The following XKR9 variants were observed in gnomAD, a reference collection of about 807,000 sequenced individuals.
The protein encoded by XKR9 is XK-related protein 9.
Under a neutral mutation model 32.0 loss-of-function variants are expected in XKR9, and 32 were observed. That is an observed-to-expected ratio of 1.00 (90% CI 0.76 to 1.34). XKR9 has a LOEUF of 1.34. Among genes scored for constraint, XKR9 ranks in the 40% most tolerant of loss-of-function variants. XKR9 has a pLI of 0.00. For synonymous variants in XKR9, 168 were observed against 143.4 expected (o/e 1.17, Z -1.22); for missense variants, 546 against 429.7 (o/e 1.27, Z -2.39).
the XKR9 span, among the ~76,000 whole-genome samples, chr8:70,854,994 T>C: frequency 6.6e-6 from 1 of 152,210 alleles, no homozygotes; most frequent in Non-Finnish European, 1.5e-5. Flanking sequence ...AGGATTGACT[T>C]GGCAATGCAG....
At chr8:70,813,396 A>T in the XKR9 span, among the ~76,000 whole-genome samples, 270 of 152,278 alleles carry the variant, frequency 1.8e-3, no homozygotes, top group Non-Finnish European at 3.0e-3. Flanking sequence ...GTCTTCATGA[A>T]TAAAACACCA....
At chr8:70,768,425 G>A (rs577439753) in intron 2 of XKR9, among the ~76,000 whole-genome samples, 1 of 152,280 alleles carries the variant, frequency 6.6e-6, no homozygotes, top group African/African-American at 2.4e-5. Flanking sequence ...TTCTGTAGAT[G>A]TCTATTAGGT....
chr8:71,005,665 CT>C, the XKR9 span, among the ~76,000 whole-genome samples: 3 of 152,300 alleles, frequency 2.0e-5, no homozygotes, highest in African/African-American at 7.2e-5. Context: ...CAAGTAGCTT[CT>C]AAGAGTATGA....
the XKR9 span, among the ~76,000 whole-genome samples, chr8:71,002,767 G>GGAAA: frequency 6.6e-6 from 1 of 152,220 alleles, no homozygotes; most frequent in African/African-American, 2.4e-5. Context: ...AAACACTGGA[G>GGAAA]GAAAGGCCAG....
At chr8:70,934,346 T>A in the XKR9 span, among the ~76,000 whole-genome samples, 3 of 152,220 alleles carry the variant, frequency 2.0e-5, no homozygotes, top group South Asian at 4.1e-4. Context: ...CTGATGTTCA[T>A]ATTTTTAATT....
intron 2 of XKR9, among the ~76,000 whole-genome samples, chr8:70,761,222 A>G (rs1360386176): frequency 6.6e-6 from 1 of 152,236 alleles, no homozygotes; most frequent in Non-Finnish European, 1.5e-5. Flanking sequence ...ATTTGGGTAT[A>G]TACCCAGTAA....
At chr8:70,767,595 C>T (rs1208628821) in intron 2 of XKR9, among the ~76,000 whole-genome samples, 1 of 143,880 alleles carries the variant, frequency 7.0e-6, no homozygotes, top group African/African-American at 2.5e-5. Flanking sequence ...CTCCTGGGTT[C>T]ACGTCATTCT....
the XKR9 span, among the ~76,000 whole-genome samples, chr8:70,965,896 G>T: frequency 6.6e-6 from 1 of 151,600 alleles, no homozygotes; most frequent in Non-Finnish European, 1.5e-5. Context: ...TAGCTTTGGG[G>T]TTCATTTGCT....
chr8:70,910,200 T>A, the XKR9 span, among the ~76,000 whole-genome samples: 1 of 152,058 alleles, frequency 6.6e-6, no homozygotes, highest in Non-Finnish European at 1.5e-5. Flanking sequence ...TCCCAACAAC[T>A]AAGTCAGAGA....
the XKR9 span, among the ~76,000 whole-genome samples, chr8:70,900,102 A>T: frequency 1.4e-5 from 2 of 147,796 alleles, no homozygotes; most frequent in African/African-American, 5.0e-5. Flanking sequence ...AACTCTGTGT[A>T]AAAAAAAAAA....
chr8:70,900,974 C>G, the XKR9 span, among the ~76,000 whole-genome samples: 1 of 152,116 alleles, frequency 6.6e-6, no homozygotes, highest in Non-Finnish European at 1.5e-5. Context: ...CATGTCCCTA[C>G]GAAGGACATG....
chr8:70,937,220 A>G, the XKR9 span, among the ~76,000 whole-genome samples: 1 of 152,040 alleles, frequency 6.6e-6, no homozygotes, highest in Non-Finnish European at 1.5e-5. Flanking sequence ...GTTGGATAGC[A>G]CCATACATCA....
At chr8:71,015,224 C>G in the XKR9 span, among the ~76,000 whole-genome samples, 2 of 152,142 alleles carry the variant, frequency 1.3e-5, no homozygotes, top group African/African-American at 4.8e-5. Context: ...AGAATTTCCT[C>G]CCAATAAACT....
the XKR9 span, among the ~76,000 whole-genome samples, chr8:71,013,566 T>C: frequency 6.6e-6 from 1 of 152,162 alleles, no homozygotes; most frequent in Non-Finnish European, 1.5e-5. Context: ...AAATAGATCA[T>C]AAAGGAGCCT....
At chr8:71,062,157 G>A in the XKR9 span, among the ~76,000 whole-genome samples, 1 of 152,100 alleles carries the variant, frequency 6.6e-6, no homozygotes, top group Non-Finnish European at 1.5e-5. Flanking sequence ...GCTGTTGGTG[G>A]CCATTTTGCC....
chr8:70,695,128 CTT>C (rs149186256), intron 3 of XKR9, among the ~76,000 whole-genome samples: 1,484 of 125,220 alleles, frequency 0.012, 23 homozygotes, highest in African/African-American at 0.044. Flanking sequence ...CCTTGTTTTT[CTT>C]TTTTTTTTTT....
chr8:70,768,089 T>C (rs1807402878), intron 2 of XKR9, among the ~76,000 whole-genome samples: 1 of 152,226 alleles, frequency 6.6e-6, no homozygotes, highest in African/African-American at 2.4e-5. Context: ...AACACTGCTT[T>C]AGCTGTGTCC....
the XKR9 span, among the ~76,000 whole-genome samples, chr8:70,872,861 T>C: frequency 6.6e-6 from 1 of 152,152 alleles, no homozygotes; most frequent in Non-Finnish European, 1.5e-5. Flanking sequence ...GGTTTCTCCA[T>C]GTTGGACAGG....
At chr8:70,677,892 T>A (rs1052263545) in intron 2 of XKR9, 35 of 152,298 alleles carry the variant, frequency 2.3e-4, no homozygotes, top group Middle Eastern at 3.4e-3. Flanking sequence ...ATATAAGCAA[T>A]TTTTTTCTTA....
Sources: gnomAD v4.1 joint callset for allele counts (sites outside exome capture counted in the v4.1 genomes callset) on GRCh38, gnomAD v4.1.1 for gene constraint, MANE v1.5 for transcripts, NCBI Gene and HGNC (gene_info 2026-07-23, HGNC 2026-07-21) for gene names.